The following RYR2 variants were observed in gnomAD, a reference collection of about 807,000 sequenced individuals.
RYR2 encodes ryanodine receptor 2, also known as cardiac muscle ryanodine receptor-calcium release channel.
A neutral mutation model predicts 601.1 loss-of-function variants in RYR2; 227 were observed. The ratio of observed to expected loss-of-function variants is 0.38; its 90% CI spans 0.34 to 0.42. The LOEUF (loss-of-function observed/expected upper bound fraction) is 0.42. Ranked by LOEUF, RYR2 falls within the 10% of genes least tolerant of loss-of-function variation. RYR2 has a pLI of 1.00. For synonymous variants in RYR2, 2,223 were observed against 2,175.1 expected (o/e 1.02, Z -0.61); for missense variants, 4,646 against 6,156.5 (o/e 0.75, Z 8.21).
chr1:237,330,845 A>C, intron 2 of RYR2, 33 bp from the exon 3 acceptor site: 2 of 1,546,430 alleles, frequency 1.3e-6, no homozygotes, highest in Middle Eastern at 1.7e-4. Flanking sequence ...GATGAAGATG[A>C]TGCTGCTGAC....
rs921857044 is a variant in RYR2, at chr1:237,423,394, T to C, written c.1005+146T>C. On this transcript the variant is annotated intron_variant, in intron 12 of 104. Coordinates refer to ENST00000366574, the MANE Select transcript of RYR2 (RefSeq NM_001035.3). ...AAATTCCCAGTTTCTCTTCCATACATTCCTCTCTGGTAAAACTGACTTTTC... is the reference window on the plus strand; with the variant it reads ...AAATTCCCAGTTTCTCTTCCATACACTCCTCTCTGGTAAAACTGACTTTTC... The C allele has an allele frequency of 9.0e-6, 9 of 997,184 alleles. No individual in the cohort carries two copies. The Admixed American group carries it at 1.8e-4, about 19-fold the overall frequency. 61.8% of individuals were successfully genotyped at this position (997,184 alleles called of 1,614,324 possible). A position where few individuals can be genotyped will look rare whatever the true frequency, so the allele number is the denominator to read the frequency against.
intron 1 of RYR2, among the ~76,000 whole-genome samples, chr1:237,230,004 C>T (rs1015329911): frequency 1.3e-5 from 2 of 152,120 alleles, no homozygotes; most frequent in Non-Finnish European, 2.9e-5. Context: ...TTGCCATTTG[C>T]TTCCACAATG....
chr1:237,661,401 C>T (rs762023873), intron 56 of RYR2, among the ~76,000 whole-genome samples: 7 of 152,056 alleles, frequency 4.6e-5, no homozygotes, highest in South Asian at 2.1e-4. Flanking sequence ...ATGTAGATGA[C>T]GGGTTGATGG....
chr1:237,282,053 G>A lies in RYR2; in HGVS notation c.168+11437G>A, dbSNP rs111808410. On this transcript the variant is annotated intron_variant, in intron 2 of 104. Coordinates refer to ENST00000366574, the MANE Select transcript of RYR2 (RefSeq NM_001035.3). ...ATAGAGTATATACTGCAGAGTGCCC[G>A]CTGCCACTGTTAGAAGCCTGGCTAT... 3.6e-3 allele frequency among the ~76,000 whole-genome samples: 544 copies of A among 152,116 alleles called. 1 individual carries two copies. Among genetic ancestry groups the A allele is most frequent in the African/African-American group, 0.012 (493 of 41,474 alleles).
At chr1:237,367,760 C>T (rs574271871) in intron 5 of RYR2, among the ~76,000 whole-genome samples, 1 of 152,224 alleles carries the variant, frequency 6.6e-6, no homozygotes, top group African/African-American at 2.4e-5. Context: ...ACTAAAATTC[C>T]ATGATTGCTT....
chr1:237,445,929 C>T (rs1049597103), intron 14 of RYR2, among the ~76,000 whole-genome samples: 3 of 151,890 alleles, frequency 2.0e-5, no homozygotes, highest in African/African-American at 4.8e-5. Context: ...CGATTCTCCT[C>T]CCTCAGCCTC....
At chr1:237,687,871 A>T (rs1686572498) in intron 63 of RYR2, among the ~76,000 whole-genome samples, 2 of 152,194 alleles carry the variant, frequency 1.3e-5, no homozygotes, top group Admixed American at 1.3e-4. Flanking sequence ...GAGCTGTTAT[A>T]AATCAAAATT....
At chr1:237,179,691 C>T (rs1678484061) in intron 1 of RYR2, among the ~76,000 whole-genome samples, 1 of 152,132 alleles carries the variant, frequency 6.6e-6, no homozygotes, top group African/African-American at 2.4e-5. Flanking sequence ...CATATACCAG[C>T]TGCCCACCAG....
chr1:237,536,537 AC>A (rs1401640287), intron 25 of RYR2, among the ~76,000 whole-genome samples: 12 of 151,860 alleles, frequency 7.9e-5, no homozygotes, highest in African/African-American at 2.9e-4. Context: ...ACATGGTGAA[AC>A]CCCGTCTCTA....
At chr1:237,749,621 G>A (rs1231518486) in intron 80 of RYR2, among the ~76,000 whole-genome samples, 1 of 152,048 alleles carries the variant, frequency 6.6e-6, no homozygotes, top group African/African-American at 2.4e-5. Context: ...TGAACAAAGA[G>A]TTTTCAACTA....
intron 29 of RYR2, among the ~76,000 whole-genome samples, chr1:237,574,691 T>G (rs530951719): frequency 6.6e-6 from 1 of 152,106 alleles, no homozygotes; most frequent in Admixed American, 6.5e-5. Flanking sequence ...AGGCTGCTTC[T>G]GAGAACTGAG....
intron 73 of RYR2, among the ~76,000 whole-genome samples, chr1:237,720,101 A>G (rs771041386): frequency 2.0e-5 from 3 of 152,242 alleles, no homozygotes; most frequent in Non-Finnish European, 4.4e-5. Flanking sequence ...TATTATTTGG[A>G]AATTTTTTAT....
chr1:237,184,787 A>C (rs2148968697), intron 1 of RYR2, among the ~76,000 whole-genome samples: 1 of 152,208 alleles, frequency 6.6e-6, no homozygotes, highest in Non-Finnish European at 1.5e-5. Flanking sequence ...TTTAATTAAA[A>C]GTATACAGAA....
At chr1:237,325,685 C>T (rs1696099347) in intron 2 of RYR2, among the ~76,000 whole-genome samples, 1 of 151,292 alleles carries the variant, frequency 6.6e-6, no homozygotes, top group Non-Finnish European at 1.5e-5. Context: ...CAGACTCTGT[C>T]TCAAAAACAA....
At chr1:237,130,393 A>G (rs1672032574) in intron 1 of RYR2, among the ~76,000 whole-genome samples, 1 of 152,176 alleles carries the variant, frequency 6.6e-6, no homozygotes, top group South Asian at 2.1e-4. Flanking sequence ...TAGCCTGGCT[A>G]TTACAGGGCC....
At chr1:237,604,769 T>A (rs943630637) in intron 35 of RYR2, among the ~76,000 whole-genome samples, 1 of 152,064 alleles carries the variant, frequency 6.6e-6, no homozygotes, top group Non-Finnish European at 1.5e-5. Flanking sequence ...AAATACAAAC[T>A]ACCATCAGAG....
chr1:237,803,553 G>A (rs1448873727), intron 98 of RYR2, among the ~76,000 whole-genome samples: 1 of 152,098 alleles, frequency 6.6e-6, no homozygotes, highest in East Asian at 1.9e-4. Flanking sequence ...GACCGCCTTG[G>A]CCTCCCAAAG....
rs368809636 is a variant in RYR2 at position 237,714,293 on chromosome 1, A to T, written c.10323+2456A>T. Among the ~76,000 whole-genome samples the T allele has an allele frequency of 2.6e-5, 4 of 152,202 alleles. No individual in the cohort carries two copies. In the East Asian group the frequency reaches 7.7e-4, roughly 29 times the overall value. On this transcript the variant is annotated intron_variant, in intron 71 of 104. Transcript: ENST00000366574. Reference sequence around the variant, plus strand: ...ATGAATTGTAGTAACAAAATGATAAAGTTAAAATACAGCTGAATATCTAAC... The same window carrying T: ...ATGAATTGTAGTAACAAAATGATAATGTTAAAATACAGCTGAATATCTAAC...
intron 98 of RYR2, among the ~76,000 whole-genome samples, chr1:237,803,342 C>T (rs983451455): frequency 3.3e-5 from 5 of 151,014 alleles, no homozygotes; most frequent in Admixed American, 1.3e-4. Flanking sequence ...CTTGCACTGT[C>T]ACCCAGGCTG....
Sources: allele counts gnomAD v4.1 joint callset (sites outside exome capture counted in the v4.1 genomes callset), GRCh38; gene constraint gnomAD v4.1.1; transcripts MANE v1.5; gene names NCBI Gene and HGNC (gene_info 2026-07-23, HGNC 2026-07-21).